Variants in RMDN1 observed in about 807,000 individuals in gnomAD.
RMDN1 encodes regulator of microtubule dynamics 1.
Under a neutral mutation model 48.9 loss-of-function variants are expected in RMDN1, and 48 were observed. The ratio of observed to expected loss-of-function variants is 0.98; its 90% CI spans 0.78 to 1.25. The LOEUF is 1.25. RMDN1 is among the 50% of genes most tolerant of loss of function. The pLI is 0.00. For missense variants in RMDN1, 418 were observed against 373.4 expected (o/e 1.12, Z -0.98); for synonymous variants, 148 against 132.6 (o/e 1.12, Z -0.80).
At position 86,486,621 on chromosome 8, in the gene RMDN1, G is replaced by C; in HGVS notation, c.358C>G (p.Arg120Gly). The C allele has an allele frequency of 6.3e-7, 1 of 1,598,728 alleles. No homozygotes were observed. Among genetic ancestry groups the C allele is most frequent in the Non-Finnish European group, 8.5e-7 (1 of 1,172,724 alleles). ...ACATCACGTGATGCCCGTGCCAAACGCCACAGTAACTCTGCATCTTCACTA... is the reference window on the plus strand; with the variant it reads ...ACATCACGTGATGCCCGTGCCAAACCCCACAGTAACTCTGCATCTTCACTA... ...KESEDAELLW[R>G]LARASRDVAQ... Residue 120 changes from arginine to glycine, a missense_variant, in exon 4 of 10, where the codon CGT becomes GGT. By Grantham distance (125) the Arg-to-Gly change is moderately radical. Coordinates refer to ENST00000406452, the MANE Select transcript of RMDN1 (RefSeq NM_016033.3).
chr8:86,474,028 A>T lies in RMDN1; in HGVS notation c.*280T>A. Reference sequence around the variant, plus strand: ...TTGCTTGATCTCCCATCCCAATGTGATCAATCCTTAGAAATCTCATACCAT... The same window carrying T: ...TTGCTTGATCTCCCATCCCAATGTGTTCAATCCTTAGAAATCTCATACCAT... On this transcript the variant is annotated 3_prime_UTR_variant, in exon 10 of 10. Coordinates refer to ENST00000406452, the MANE Select transcript of RMDN1 (RefSeq NM_016033.3). 8.7e-7 allele frequency: 1 copy of T among 1,143,042 alleles called. No homozygotes were observed. The highest frequency in any genetic ancestry group is 1.1e-6 in the Non-Finnish European group (1 of 929,242). 70.8% of individuals were successfully genotyped at this position (1,143,042 alleles called of 1,614,324 possible).
downstream of RMDN1, chr8:86,470,469 T>G (rs1425067351): frequency 8.3e-7 from 1 of 1,210,490 alleles, no homozygotes; most frequent in African/African-American, 1.6e-5. Context: ...GAAGGCACCA[T>G]GTCTTGCAGA....
chr8:86,507,435 A>T (rs1819561120), intron 1 of RMDN1, among the ~76,000 whole-genome samples: 1 of 152,234 alleles, frequency 6.6e-6, no homozygotes, highest in Admixed American at 6.5e-5. Flanking sequence ...ACCAACACAT[A>T]ATAAAAATGA....
Position 86,488,560 on chromosome 8 carries a change from G to GT in RMDN1, c.326dup (p.Tyr109Ter), listed in dbSNP as rs777969115. ...TEKLYQLLTQ[Y>*]KESEDAELLW... ...TATCCTACATTGCTTACCTTTCCTT[G>GT]TATTGGGTTAGCAACTGATAAAGTT... The change falls in exon 3 of 10, where the codon TAC becomes TAAC. Residue 109 changes from tyrosine to a stop codon, truncating the protein, a stop_gained and frameshift_variant. Transcript: ENST00000406452. LOFTEE classifies it high-confidence loss of function. 2.4e-5 allele frequency: 39 copies of GT among 1,605,174 alleles called. No homozygotes were observed. The highest frequency in any genetic ancestry group is 3.0e-5 in the Non-Finnish European group (35 of 1,174,942).
chr8:86,486,704 TA>T, intron 3 of RMDN1, 61 bp from the exon 4 acceptor site: 1 of 1,346,454 alleles, frequency 7.4e-7, no homozygotes, highest in South Asian at 1.7e-5. Context: ...TGTTAAGGGT[TA>T]CATTACTAAT....
chr8:86,508,865 C>G, upstream of RMDN1: 1 of 1,140,274 alleles, frequency 8.8e-7, no homozygotes, highest in Non-Finnish European at 1.1e-6. Flanking sequence ...GGACTGAGGC[C>G]GTGAGAGCGC....
chr8:86,474,709 G>C, intron 9 of RMDN1, 111 bp downstream of exon 9: 2 of 1,014,510 alleles, frequency 2.0e-6, no homozygotes, highest in South Asian at 1.3e-5. Flanking sequence ...GAACACACTT[G>C]TTTTCAACAA....
At chr8:86,487,913 T>C (rs1346605877) in intron 3 of RMDN1, among the ~76,000 whole-genome samples, 3 of 152,148 alleles carry the variant, frequency 2.0e-5, no homozygotes, top group African/African-American at 4.8e-5. Context: ...AAAAGGCAGA[T>C]GAAAATGACT....
At chr8:86,508,174 A>C (rs1385924386) in intron 1 of RMDN1, 2 of 305,678 alleles carry the variant, frequency 6.5e-6, no homozygotes, top group Non-Finnish European at 1.2e-5. Context: ...GTCATCGCCT[A>C]CAGGGAGAAT....
chr8:86,489,897 T>C (rs1360866071), intron 2 of RMDN1, among the ~76,000 whole-genome samples: 1 of 151,334 alleles, frequency 6.6e-6, no homozygotes, highest in Non-Finnish European at 1.5e-5. Flanking sequence ...AAAAATACAA[T>C]GAAATTTGTG....
At position 86,472,756 on chromosome 8, in the gene RMDN1, G is replaced by T. The variant is rs553176125; in HGVS notation, c.*1552C>A. The T allele has an allele frequency of 5.6e-6, 2 of 359,478 alleles. No homozygotes were observed. Among genetic ancestry groups the T allele is most frequent in the South Asian group, 7.0e-5 (1 of 14,270 alleles). 22.3% of individuals were successfully genotyped at this position (359,478 alleles called of 1,614,324 possible). ...AAGTATAAGAAAATAACTGCTTATT[G>T]GTAGCATATACATTCAGTCAGGAAT... On this transcript the variant is annotated 3_prime_UTR_variant, in exon 10 of 10. Transcript: ENST00000406452.
intron 2 of RMDN1, among the ~76,000 whole-genome samples, chr8:86,493,992 A>G (rs1343689875): frequency 6.6e-6 from 1 of 152,150 alleles, no homozygotes; most frequent in Non-Finnish European, 1.5e-5. Context: ...TGTGGAATCT[A>G]AAAAAGTCAA....
At position 86,472,427 on chromosome 8, in the gene RMDN1, A is replaced by G. The variant is rs1371029211; in HGVS notation, c.*1881T>C. On this transcript the variant is annotated 3_prime_UTR_variant, in exon 10 of 10. Transcript: ENST00000406452. Reference sequence around the variant, plus strand: ...AAAAAGCCATCCAGCAGAATGCCACATCCCTAGAAAGACCCACTTCCTGGC... The same window carrying G: ...AAAAAGCCATCCAGCAGAATGCCACGTCCCTAGAAAGACCCACTTCCTGGC... The G allele has an allele frequency of 1.4e-6, 1 of 702,522 alleles. No homozygotes were observed. Among genetic ancestry groups the G allele is most frequent in the South Asian group, 1.5e-5 (1 of 67,594 alleles). The allele number at this position is 702,522 out of a possible 1,614,324, so 43.5% of individuals were successfully genotyped here. A position where few individuals can be genotyped will look rare whatever the true frequency, so the allele number is the denominator to read the frequency against.
In RMDN1 at chr8:86,508,226, T is replaced by C. The variant is rs75010921; in HGVS notation, c.129+266A>G. ...AGGTTCTTTCCCGTCCTGTTTTACA[T>C]TTCGCACAAGAAGGGCGGGTAGCAG... On this transcript the variant is annotated intron_variant, in intron 1 of 9. Coordinates refer to ENST00000406452, the MANE Select transcript of RMDN1 (RefSeq NM_016033.3). 579 of 418,954 alleles carry C rather than the reference T, an allele frequency of 1.4e-3. 2 individuals carry two copies. The highest frequency in any genetic ancestry group is 0.011 in the African/African-American group (520 of 48,404). 26.0% of individuals were successfully genotyped at this position (418,954 alleles called of 1,614,324 possible).
intron 2 of RMDN1, chr8:86,504,176 A>G (rs1818878245): frequency 1.3e-6 from 2 of 1,485,430 alleles, no homozygotes. Context: ...GCTATCCTAC[A>G]AAGTGCAGCC....
In RMDN1 at chr8:86,482,524, T is replaced by C. The variant is rs530346274; in HGVS notation, c.586-2192A>G. ...CATTTAATTCTGTCACACATAATCA[T>C]AGTATCACTAAGTGAATGTCATCTT... is the stretch of plus-strand genomic sequence containing the variant. On this transcript the variant is annotated intron_variant, in intron 5 of 9. Transcript: ENST00000406452. The C allele has an allele frequency of 7.0e-4, 491 of 701,744 alleles. 4 individuals carry two copies. The highest frequency in any genetic ancestry group is 4.7e-3 in the South Asian group (335 of 71,184). 43.5% of individuals were successfully genotyped at this position (701,744 alleles called of 1,614,324 possible).
downstream of RMDN1, chr8:86,470,533 G>A: frequency 4.3e-6 from 3 of 694,388 alleles, no homozygotes; most frequent in South Asian, 5.7e-5. Flanking sequence ...AAGGACCCAG[G>A]AGCCACACTC....
chr8:86,509,167 C>T (rs779296035), upstream of RMDN1, among the ~76,000 whole-genome samples: 3 of 151,908 alleles, frequency 2.0e-5, no homozygotes, highest in Non-Finnish European at 2.9e-5. Flanking sequence ...GGGGTAGATT[C>T]AAGAGAGAGT....
intron 3 of RMDN1, among the ~76,000 whole-genome samples, chr8:86,487,170 T>A (rs1765575662): frequency 6.6e-6 from 1 of 152,248 alleles, no homozygotes; most frequent in African/African-American, 2.4e-5. Flanking sequence ...AAATAAATCC[T>A]ATGTTTGAAT....
Sources: allele counts gnomAD v4.1 joint callset (sites outside exome capture counted in the v4.1 genomes callset), GRCh38; gene constraint gnomAD v4.1.1; transcripts MANE v1.5; gene names NCBI Gene and HGNC (gene_info 2026-07-23, HGNC 2026-07-21).